The following DENND10 variants were observed in gnomAD, a reference collection of about 807,000 sequenced individuals.
The protein encoded by DENND10 is DENN domain containing 10.
Under a neutral mutation model 43.6 loss-of-function variants are expected in DENND10, and 24 were observed. The observed-to-expected ratio is 0.55, with a 90% confidence interval of 0.40 to 0.77. The LOEUF is 0.77. Ranked by LOEUF, DENND10 falls within the 30% of genes least tolerant of loss-of-function variation. The pLI, the probability that DENND10 is intolerant of heterozygous loss-of-function variation, is 0.00. For missense variants in DENND10, 303 were observed against 429.9 expected (o/e 0.70, Z 2.61); for synonymous variants, 125 against 157.6 (o/e 0.79, Z 1.55).
intron 6 of DENND10, among the ~76,000 whole-genome samples, chr10:119,124,596 C>A (rs1845743446): frequency 6.6e-6 from 1 of 151,980 alleles, no homozygotes; most frequent in African/African-American, 2.4e-5. Context: ...GTTACTCAGG[C>A]TGGTCTTGAA....
Position 119,132,853 on chromosome 10 carries a change from C to G in DENND10, c.897+244C>G, listed in dbSNP as rs970471455. ...GGCTGGTGCTGACACCGACCGCTGG[C>G]AATGAGAAATGTAACTACCAAGTGG... is the stretch of plus-strand genomic sequence containing the variant. On this transcript the variant is annotated intron_variant, in intron 8 of 8. Coordinates refer to ENST00000361432, the MANE Select transcript of DENND10 (RefSeq NM_207009.4). This position sits in a 1 kb window ranked among gnomAD's most constrained non-coding sequence, Gnocchi z 4.2. 12 of 472,524 alleles carry G rather than the reference C, an allele frequency of 2.5e-5. No individual in the cohort carries two copies. Among genetic ancestry groups the G allele is most frequent in the Non-Finnish European group, 4.5e-5 (12 of 263,962 alleles). 29.3% of individuals were successfully genotyped at this position (472,524 alleles called of 1,614,324 possible).
chr10:119,114,857 A>C (rs7906447), intron 3 of DENND10, among the ~76,000 whole-genome samples: 151,243 of 151,836 alleles, frequency 1, 75,330 homozygotes, highest in East Asian at 1. Flanking sequence ...ACCACCTCCA[A>C]CTCATGGGTT....
At position 119,119,090 on chromosome 10, in the gene DENND10, C is replaced by T. The variant is rs193094420; in HGVS notation, c.482-1251C>T. Among the ~76,000 whole-genome samples the T allele has an allele frequency of 5.6e-4, 85 of 151,412 alleles. 1 individual carries two copies. In the East Asian group the frequency reaches 0.015, roughly 26 times the overall value. On this transcript the variant is annotated intron_variant, in intron 4 of 8. Transcript: ENST00000361432. Reference sequence around the variant, plus strand: ...GCTGGGTGGCGCGATCTTGGCTCACCGCATCCTCCGCCTCCTGGGTTCAAG... The same window carrying T: ...GCTGGGTGGCGCGATCTTGGCTCACTGCATCCTCCGCCTCCTGGGTTCAAG...
At chr10:119,127,510 G>T (rs758087233) in intron 6 of DENND10, among the ~76,000 whole-genome samples, 2 of 151,656 alleles carry the variant, frequency 1.3e-5, no homozygotes, top group African/African-American at 2.4e-5. Flanking sequence ...ACAGAGTCTC[G>T]CTCTGTTGCC....
intron 4 of DENND10, 83 bp from the exon 5 acceptor site, chr10:119,120,258 G>GAAAAAAGA (rs764389705): frequency 4.6e-6 from 4 of 872,620 alleles, no homozygotes; most frequent in Non-Finnish European, 7.2e-6. Flanking sequence ...AAAAAAAAAA[G>GAAAAAAGA]AAAAAAGAAA....
Position 119,136,864 on chromosome 10 carries a change from TG to T in DENND10, c.*219del, listed in dbSNP as rs1846387061. On this transcript the variant is annotated 3_prime_UTR_variant, in exon 9 of 9. Transcript: ENST00000361432. ...TTAGCTTCCTGCCTGCTGTCAGTGC[TG>T]GACGAAGTGCTATAACTACTTTATG... The T allele has an allele frequency of 2.3e-6, 1 of 442,664 alleles. No homozygotes were observed. The highest frequency in any genetic ancestry group is 4.2e-6 in the Non-Finnish European group (1 of 238,978). The allele number at this position is 442,664 out of a possible 1,614,324, so 27.4% of individuals were successfully genotyped here.
chr10:119,134,567 GGTCTTGAACT>G (rs1278030581), intron 8 of DENND10: 1 of 150,940 alleles, frequency 6.6e-6, no homozygotes, highest in African/African-American at 2.4e-5. Context: ...TGGTCAGGCT[GGTCTTGAACT>G]TCTGACCTCA....
chr10:119,128,917 G>A (rs1039921271), intron 6 of DENND10, among the ~76,000 whole-genome samples: 6 of 152,208 alleles, frequency 3.9e-5, no homozygotes, highest in Non-Finnish European at 7.4e-5. Context: ...AGTCACCTCC[G>A]ACCCGGCCCC....
At chr10:119,130,052 T>C (rs919349056) in intron 7 of DENND10, among the ~76,000 whole-genome samples, 1 of 152,072 alleles carries the variant, frequency 6.6e-6, no homozygotes, top group Non-Finnish European at 1.5e-5. Context: ...TTTCCCAGGC[T>C]GGAGTGCAGT....
intron 3 of DENND10, among the ~76,000 whole-genome samples, 155 bp from the exon 4 acceptor site, chr10:119,117,362 ACT>A (rs1845340647): frequency 6.6e-6 from 1 of 151,770 alleles, no homozygotes; most frequent in Non-Finnish European, 1.5e-5. Context: ...ACAGAGTGAG[ACT>A]CTGTCTCAAA....
chr10:119,135,791 TAAAAAAAAAAAAAAAAA>T (rs367836571), intron 8 of DENND10, among the ~76,000 whole-genome samples: 1 of 64,008 alleles, frequency 1.6e-5, no homozygotes, highest in African/African-American at 5.9e-5. Flanking sequence ...ACTAAAATTG[TAAAAAAAAAAAAAAAAA>T]AAAAAAAACC....
chr10:119,114,943 T>C (rs994608992), intron 3 of DENND10, among the ~76,000 whole-genome samples: 3 of 152,064 alleles, frequency 2.0e-5, no homozygotes, highest in African/African-American at 7.2e-5. Flanking sequence ...CTAATTTTTA[T>C]ATTTTTAGTA....
intron 6 of DENND10, 37 bp downstream of exon 6, chr10:119,123,606 T>A (rs753556351): frequency 2.6e-4 from 16 of 62,348 alleles, no homozygotes; most frequent in African/African-American, 5.1e-4. Flanking sequence ...ACTGTTTCAC[T>A]TTTTTTTTTT....
At chr10:119,130,503 G>A (rs761254717) in intron 7 of DENND10, among the ~76,000 whole-genome samples, 4 of 152,058 alleles carry the variant, frequency 2.6e-5, no homozygotes, top group African/African-American at 7.2e-5. Context: ...TCACCATGTC[G>A]GCCAGGCTGG....
chr10:119,106,646 T>G (rs745884767), intron 1 of DENND10, among the ~76,000 whole-genome samples: 16 of 152,218 alleles, frequency 1.1e-4, no homozygotes, highest in Non-Finnish European at 2.4e-4. Context: ...CCTAAACAAT[T>G]TTAAATACAA....
rs139716316 is a variant in DENND10 at position 119,117,651 on chromosome 10, G to T, written c.465G>T (p.Leu155=). ...SKDFDARKAY[L]AGSIKDIVSQ... ...ATTTTGATGCCCGAAAGGCCTACCT[G>T]GCTGGCTCCATCAAAGGTAAGAAGG... The change falls in exon 4 of 9, where the codon CTG becomes CTT. Residue 155 remains leucine (L), a synonymous_variant. Transcript: ENST00000361432. 3.7e-5 allele frequency: 60 copies of T among 1,613,768 alleles called. No homozygotes were observed. Among genetic ancestry groups the T allele is most frequent in the Non-Finnish European group, 5.0e-5 (59 of 1,179,946 alleles).
intron 8 of DENND10, among the ~76,000 whole-genome samples, chr10:119,135,804 A>AAAAAAAAAAAAAAAAAAAAAAC (rs1846316563): frequency 1.3e-5 from 2 of 149,762 alleles, no homozygotes; most frequent in Non-Finnish European, 3.0e-5. Context: ...AAAAAAAAAA[A>AAAAAAAAAAAAAAAAAAAAAAC]AAAAAAAAAA....
At chr10:119,110,267 G>A (rs1330497411) in intron 2 of DENND10, among the ~76,000 whole-genome samples, 1 of 151,618 alleles carries the variant, frequency 6.6e-6, no homozygotes, top group Non-Finnish European at 1.5e-5. Flanking sequence ...TGCCTCCCAG[G>A]ATCAAGCGAT....
At chr10:119,129,926 G>C (rs1589744863) in intron 7 of DENND10, among the ~76,000 whole-genome samples, 1 of 152,074 alleles carries the variant, frequency 6.6e-6, no homozygotes. Context: ...AGAACTTAGC[G>C]GTTTATTTTC....
Sources: gnomAD v4.1 joint callset for allele counts (sites outside exome capture counted in the v4.1 genomes callset) on GRCh38, gnomAD v4.1.1 for gene constraint, Gnocchi (gnomAD v3.1) non-coding constraint, MANE v1.5 for transcripts, NCBI Gene and HGNC (gene_info 2026-07-23, HGNC 2026-07-21) for gene names.